The following LRRTM3 variants were observed in gnomAD, a reference collection of about 807,000 sequenced individuals.
The protein encoded by LRRTM3 is leucine rich repeat transmembrane neuronal 3.
LRRTM3 carries 24 observed loss-of-function variants against 44.7 expected under a neutral mutation model. The observed-to-expected ratio is 0.54, with a 90% CI of 0.39 to 0.76. The LOEUF is 0.76. Ranked by LOEUF, LRRTM3 falls within the 30% of genes least tolerant of loss-of-function variation. The pLI, the probability that LRRTM3 is intolerant of heterozygous loss-of-function variation, is 0.00. For missense variants in LRRTM3, 587 were observed against 702.2 expected, an observed-to-expected ratio of 0.84 and a Z score of 1.85; for synonymous variants, 277 against 278.7, an observed-to-expected ratio of 0.99 and a Z score of 0.06.
At chr10:67,078,808 A>G (rs766677937) in intron 2 of LRRTM3, among the ~76,000 whole-genome samples, 10 of 151,930 alleles carry the variant, frequency 6.6e-5, no homozygotes, top group East Asian at 5.8e-4. Flanking sequence ...GAGCCACCGC[A>G]CCCGGCCCTC....
At position 67,031,180 on chromosome 10, in the gene LRRTM3, C is replaced by T. The variant is rs1853704026; in HGVS notation, c.1537-66407C>T. ...TGTATTATTCCAGGTATAAATAAAA[C>T]CCTCTGATTTATATAAATTGATATA... On this transcript the variant is annotated intron_variant, in intron 2 of 2. Transcript: ENST00000361320. 3.3e-5 allele frequency among the ~76,000 whole-genome samples: 5 copies of T among 152,206 alleles called. No individual in the cohort carries two copies. In the South Asian group the frequency reaches 1.0e-3, roughly 32 times the overall value.
chr10:66,936,747 T>G (rs1274816150), intron 2 of LRRTM3, among the ~76,000 whole-genome samples: 1 of 152,158 alleles, frequency 6.6e-6, no homozygotes, highest in African/African-American at 2.4e-5. Context: ...GTATCCATAT[T>G]GAAATTCCTC....
intron 2 of LRRTM3, among the ~76,000 whole-genome samples, chr10:66,947,404 G>C (rs1045446031): frequency 6.6e-6 from 1 of 152,036 alleles, no homozygotes. Flanking sequence ...TATATCACAA[G>C]GTATTTTCTT....
At chr10:66,955,350 A>T (rs1589485986) in intron 2 of LRRTM3, among the ~76,000 whole-genome samples, 1 of 152,300 alleles carries the variant, frequency 6.6e-6, no homozygotes, top group East Asian at 1.9e-4. Flanking sequence ...CTCACTATGT[A>T]CCAAGCCCAG....
intron 2 of LRRTM3, among the ~76,000 whole-genome samples, chr10:66,996,145 C>T (rs1217533927): frequency 6.6e-6 from 1 of 152,140 alleles, no homozygotes; most frequent in African/African-American, 2.4e-5. Context: ...TACTTCATTG[C>T]ACAAGTAGGT....
chr10:66,955,850 T>C (rs372266255), intron 2 of LRRTM3, among the ~76,000 whole-genome samples: 2 of 152,276 alleles, frequency 1.3e-5, no homozygotes, highest in South Asian at 4.1e-4. Flanking sequence ...TTGGAGCCCA[T>C]TGTGTCTCAC....
intron 2 of LRRTM3, among the ~76,000 whole-genome samples, chr10:67,027,259 A>T (rs377102077): frequency 9.9e-5 from 15 of 152,268 alleles, no homozygotes; most frequent in African/African-American, 3.6e-4. Flanking sequence ...GATAGAGCTG[A>T]ATGAGTCACC....
intron 2 of LRRTM3, among the ~76,000 whole-genome samples, chr10:66,932,575 A>C (rs1277526849): frequency 6.6e-6 from 1 of 152,186 alleles, no homozygotes; most frequent in Non-Finnish European, 1.5e-5. Context: ...AATCAGAGGC[A>C]GTTGGGGGAA....
chr10:66,929,809 T>C (rs12219173), intron 2 of LRRTM3, among the ~76,000 whole-genome samples: 1 of 152,216 alleles, frequency 6.6e-6, no homozygotes. Flanking sequence ...ACGAATATCA[T>C]AGCTTCCATA....
At chr10:66,977,967 T>G (rs556465747) in intron 2 of LRRTM3, among the ~76,000 whole-genome samples, 100 of 152,252 alleles carry the variant, frequency 6.6e-4, no homozygotes, top group African/African-American at 2.3e-3. Flanking sequence ...TAGTCAAACT[T>G]TTATTCCTAA....
intron 2 of LRRTM3, among the ~76,000 whole-genome samples, chr10:67,036,399 G>A (rs1274788102): frequency 6.6e-6 from 1 of 151,948 alleles, no homozygotes; most frequent in Non-Finnish European, 1.5e-5. Context: ...CTCCCAAGTA[G>A]CGACACCTGT....
At chr10:67,085,674 TC>T (rs1857268962) in intron 2 of LRRTM3, among the ~76,000 whole-genome samples, 1 of 152,028 alleles carries the variant, frequency 6.6e-6, no homozygotes, top group South Asian at 2.1e-4. Context: ...TATTAGCTCA[TC>T]CCTTATTATG....
intron 2 of LRRTM3, among the ~76,000 whole-genome samples, chr10:66,999,394 A>T (rs1019963511): frequency 6.6e-6 from 1 of 152,134 alleles, no homozygotes; most frequent in Non-Finnish European, 1.5e-5. Context: ...ATATATAATC[A>T]AGGATAGGTA....
chr10:66,937,665 G>A (rs1847783425), intron 2 of LRRTM3, among the ~76,000 whole-genome samples: 1 of 152,078 alleles, frequency 6.6e-6, no homozygotes, highest in Non-Finnish European at 1.5e-5. Flanking sequence ...ACAAAGCCCA[G>A]CTACAACCAC....
chr10:66,971,690 G>C (rs976245206), intron 2 of LRRTM3, among the ~76,000 whole-genome samples: 1 of 152,000 alleles, frequency 6.6e-6, no homozygotes, highest in Admixed American at 6.6e-5. Flanking sequence ...AACAGGTAAG[G>C]GTATAAACCA....
intron 2 of LRRTM3, among the ~76,000 whole-genome samples, chr10:67,034,064 G>A (rs570454832): frequency 3.7e-4 from 57 of 152,164 alleles, no homozygotes; most frequent in East Asian, 2.3e-3. Context: ...GAGCCACCGC[G>A]CCCGGCCTAT....
At chr10:66,936,146 A>T (rs1279701058) in intron 2 of LRRTM3, among the ~76,000 whole-genome samples, 1 of 152,164 alleles carries the variant, frequency 6.6e-6, no homozygotes, top group Non-Finnish European at 1.5e-5. Context: ...AAATCTACAT[A>T]TATTTTTATG....
chr10:67,026,024 C>T (rs1286352105), intron 2 of LRRTM3, among the ~76,000 whole-genome samples: 3 of 150,136 alleles, frequency 2.0e-5, no homozygotes, highest in Admixed American at 1.3e-4. Flanking sequence ...AACCAAACAC[C>T]GCATGTTCTC....
chr10:67,050,564 T>G (rs994461027), intron 2 of LRRTM3, among the ~76,000 whole-genome samples: 5 of 152,176 alleles, frequency 3.3e-5, no homozygotes, highest in African/African-American at 1.2e-4. Flanking sequence ...TAAGACCACC[T>G]TCCCTCTGTA....
Sources: allele counts gnomAD v4.1 joint callset (sites outside exome capture counted in the v4.1 genomes callset), GRCh38; gene constraint gnomAD v4.1.1; transcripts MANE v1.5; gene names NCBI Gene and HGNC (gene_info 2026-07-23, HGNC 2026-07-21).